CDH18: variants seen among roughly 807,000 people sequenced by gnomAD.
The protein encoded by CDH18 is cadherin 18.
CDH18 carries 31 observed loss-of-function variants against 67.9 expected under a neutral mutation model. The observed-to-expected ratio is 0.46, with a 90% CI of 0.34 to 0.62. The LOEUF is 0.62. Among genes scored for constraint, CDH18 ranks in the 20% least tolerant of loss-of-function variants. The pLI is 0.01. For missense variants in CDH18, 890 were observed against 975.5 expected (o/e 0.91, Z 1.17); for synonymous variants, 362 against 347.2 (o/e 1.04, Z -0.48).
intron 1 of CDH18, among the ~76,000 whole-genome samples, chr5:20,457,498 A>G (rs1018366675): frequency 6.6e-6 from 1 of 152,160 alleles, no homozygotes; most frequent in African/African-American, 2.4e-5. Context: ...ACCCACCTAG[A>G]GCCATGCAAG....
chr5:20,312,438 G>T (rs953764052), intron 1 of CDH18, among the ~76,000 whole-genome samples: 1 of 152,134 alleles, frequency 6.6e-6, no homozygotes, highest in Non-Finnish European at 1.5e-5. Flanking sequence ...TCACCATAAG[G>T]GGACTATGTC....
At chr5:20,217,850 G>A (rs552328567) in intron 2 of CDH18, among the ~76,000 whole-genome samples, 2 of 151,794 alleles carry the variant, frequency 1.3e-5, no homozygotes, top group South Asian at 4.2e-4. Flanking sequence ...AACCATAAAA[G>A]AGCACGAGTT....
Position 19,571,636 on chromosome 5 carries a change from C to T in CDH18, c.1196G>A (p.Gly399Glu). The T allele has an allele frequency of 6.2e-7, 1 of 1,613,818 alleles. No individual in the cohort carries two copies. Among genetic ancestry groups the T allele is most frequent in the Non-Finnish European group, 8.5e-7 (1 of 1,179,880 alleles). Residue 399 changes from glycine (G) to glutamate (E), a missense_variant, in exon 8 of 13, where the codon GGG becomes GAG. By Grantham distance (98) the Gly-to-Glu change is moderately conservative (BLOSUM62 -2). Coordinates refer to ENST00000382275, the MANE Select transcript of CDH18 (RefSeq NM_004934.5). ...TGCCAAAACTGTACCAACGACGGTC[C>T]CAATCTTGGCATTTTCGTAGACTTC... The part of the protein sequence containing the change: ...LMEVYENAKI[G>E]TVVGTVLAQD...
At chr5:19,626,987 C>T (rs1279140991) in intron 5 of CDH18, among the ~76,000 whole-genome samples, 3 of 152,132 alleles carry the variant, frequency 2.0e-5, no homozygotes, top group South Asian at 4.1e-4. Flanking sequence ...TCACTACTTT[C>T]AAATTGTGTT....
At chr5:19,919,077 G>A (rs1344772220) in intron 2 of CDH18, among the ~76,000 whole-genome samples, 1 of 152,014 alleles carries the variant, frequency 6.6e-6, no homozygotes, top group African/African-American at 2.4e-5. Context: ...CTCTGACTAT[G>A]TAACAGAAAC....
At chr5:20,554,858 C>A (rs1003509463) in intron 1 of CDH18, among the ~76,000 whole-genome samples, 1 of 152,104 alleles carries the variant, frequency 6.6e-6, no homozygotes, top group Non-Finnish European at 1.5e-5. Flanking sequence ...TAAAGAAGAC[C>A]AAACTTGTCT....
intron 1 of CDH18, among the ~76,000 whole-genome samples, chr5:20,413,833 T>A (rs953132115): frequency 6.6e-6 from 1 of 152,184 alleles, no homozygotes; most frequent in Non-Finnish European, 1.5e-5. Context: ...TCCATTTGTC[T>A]ATTTTGGCTT....
intron 1 of CDH18, among the ~76,000 whole-genome samples, chr5:20,330,920 C>G (rs1451715562): frequency 1.3e-5 from 2 of 152,138 alleles, no homozygotes; most frequent in Admixed American, 6.5e-5. Flanking sequence ...TCTCTTCTGC[C>G]TTATGTCCCC....
intron 2 of CDH18, among the ~76,000 whole-genome samples, chr5:20,250,432 G>C (rs1429286130): frequency 6.7e-6 from 1 of 150,042 alleles, no homozygotes; most frequent in Non-Finnish European, 1.5e-5. Flanking sequence ...AGCTGGGACT[G>C]CAGGCGCCCG....
intron 3 of CDH18, among the ~76,000 whole-genome samples, chr5:19,812,892 A>C (rs1253121938): frequency 2.6e-5 from 4 of 152,178 alleles, no homozygotes; most frequent in Non-Finnish European, 5.9e-5. Context: ...AACTAACCCA[A>C]ATGCCCATCA....
intron 2 of CDH18, among the ~76,000 whole-genome samples, chr5:20,175,580 G>C (rs1169773200): frequency 6.6e-6 from 1 of 151,948 alleles, no homozygotes; most frequent in Non-Finnish European, 1.5e-5. Context: ...CTCTAATTTC[G>C]AGCTGCTTTG....
intron 5 of CDH18, among the ~76,000 whole-genome samples, chr5:19,666,574 G>A (rs1017012435): frequency 6.6e-6 from 1 of 151,952 alleles, no homozygotes; most frequent in Non-Finnish European, 1.5e-5. Context: ...ATTGAATCTG[G>A]ACAGGTTGAA....
chr5:19,501,564 G>GT (rs765169409), intron 11 of CDH18, among the ~76,000 whole-genome samples: 2 of 150,298 alleles, frequency 1.3e-5, no homozygotes, highest in East Asian at 3.9e-4. Context: ...AAATTATTCT[G>GT]TTTTTTCTAA....
chr5:19,487,737 C>G (rs1309301806), intron 11 of CDH18, among the ~76,000 whole-genome samples: 1 of 151,942 alleles, frequency 6.6e-6, no homozygotes, highest in African/African-American at 2.4e-5. Flanking sequence ...AATATGGACA[C>G]AAATAGGATG....
intron 5 of CDH18, among the ~76,000 whole-genome samples, chr5:19,679,683 C>T (rs1759996569): frequency 6.6e-6 from 1 of 151,898 alleles, no homozygotes; most frequent in Non-Finnish European, 1.5e-5. Flanking sequence ...AATGCAATCC[C>T]ATTTCTAGCA....
At chr5:19,722,511 G>T (rs571546265) in intron 4 of CDH18, among the ~76,000 whole-genome samples, 2 of 148,162 alleles carry the variant, frequency 1.3e-5, no homozygotes, top group African/African-American at 5.0e-5. Flanking sequence ...TAGTATGATC[G>T]TGTCTTTGTG....
chr5:19,930,053 A>G (rs185200203), intron 2 of CDH18, among the ~76,000 whole-genome samples: 1 of 152,224 alleles, frequency 6.6e-6, no homozygotes, highest in African/African-American at 2.4e-5. Context: ...AAGGTTTAGC[A>G]TAAGTTAGGC....
chr5:19,923,209 C>A (rs1167710008), intron 2 of CDH18, among the ~76,000 whole-genome samples: 1 of 152,202 alleles, frequency 6.6e-6, no homozygotes, highest in East Asian at 1.9e-4. Flanking sequence ...ACTATCTCAG[C>A]CCCAAGCCTA....
intron 1 of CDH18, among the ~76,000 whole-genome samples, chr5:20,366,240 G>C (rs1742507018): frequency 6.6e-6 from 1 of 152,036 alleles, no homozygotes; most frequent in South Asian, 2.1e-4. Context: ...CATTTCACAG[G>C]ATAGAAAATG....
Sources: allele counts gnomAD v4.1 joint callset (sites outside exome capture counted in the v4.1 genomes callset), GRCh38; gene constraint gnomAD v4.1.1; transcripts MANE v1.5; gene names NCBI Gene and HGNC (gene_info 2026-07-23, HGNC 2026-07-21).